CDH20: variants seen among roughly 807,000 people sequenced by gnomAD.
CDH20 encodes cadherin-20.
Under a neutral mutation model 74.2 loss-of-function variants are expected in CDH20, and 29 were observed. The ratio of observed to expected loss-of-function variants is 0.39; its 90% CI spans 0.29 to 0.53. The LOEUF (loss-of-function observed/expected upper bound fraction) is 0.53. Among genes scored for constraint, CDH20 ranks in the 20% least tolerant of loss-of-function variants. CDH20 has a pLI of 0.69. For missense variants in CDH20, 988 were observed against 1,048.3 expected (o/e 0.94, Z 0.79); for synonymous variants, 469 against 405.4 (o/e 1.16, Z -1.88).
intron 1 of CDH20, among the ~76,000 whole-genome samples, chr18:61,398,948 C>T (rs1211391591): frequency 2.0e-5 from 3 of 152,136 alleles, no homozygotes; most frequent in African/African-American, 7.2e-5. Context: ...TTTGATCCCA[C>T]GATGAAGGGA....
intron 1 of CDH20, among the ~76,000 whole-genome samples, chr18:61,467,324 C>T (rs1909996486): frequency 6.6e-6 from 1 of 152,148 alleles, no homozygotes; most frequent in South Asian, 2.1e-4. Context: ...GAGAATCTGA[C>T]AATTTCCACA....
At chr18:61,346,921 G>A (rs983199915) in intron 1 of CDH20, among the ~76,000 whole-genome samples, 1 of 151,982 alleles carries the variant, frequency 6.6e-6, no homozygotes. Flanking sequence ...GCTCCTCCCA[G>A]CATGTCCGTC....
intron 5 of CDH20, among the ~76,000 whole-genome samples, chr18:61,506,055 T>C (rs1183501159): frequency 1.3e-5 from 2 of 152,236 alleles, no homozygotes; most frequent in East Asian, 3.8e-4. Context: ...CCTACTATTT[T>C]ACATTGAATA....
chr18:61,398,988 C>A (rs1185860031), intron 1 of CDH20, among the ~76,000 whole-genome samples: 1 of 152,204 alleles, frequency 6.6e-6, no homozygotes, highest in African/African-American at 2.4e-5. Context: ...CCAAACTTAT[C>A]AGCTTTTGAG....
rs1209608956 is a variant in CDH20, at chr18:61,383,397, A to G, written c.-153+49570A>G. Among the ~76,000 whole-genome samples, 7 of 152,040 alleles carry G rather than the reference A, an allele frequency of 4.6e-5. No individual in the cohort carries two copies. In the East Asian group the frequency reaches 1.2e-3, roughly 25 times the overall value. On this transcript the variant is annotated intron_variant, in intron 1 of 11. Transcript: ENST00000262717. The stretch of plus-strand genomic sequence containing the variant: ...GGAGTACAAGACCAGCCTGGCCAAC[A>G]TGGTAAAAACCCGTCTTTACTAAAA...
chr18:61,553,865 T>C (rs1913522570), intron 11 of CDH20, among the ~76,000 whole-genome samples: 2 of 152,318 alleles, frequency 1.3e-5, no homozygotes, highest in East Asian at 3.9e-4. Context: ...GCCTTTGTGC[T>C]TTGTTAGTGG....
chr18:61,363,554 T>C (rs1013582628), intron 1 of CDH20, among the ~76,000 whole-genome samples: 13 of 152,186 alleles, frequency 8.5e-5, no homozygotes, highest in African/African-American at 2.7e-4. Flanking sequence ...AATTAACAAA[T>C]AAAAAGGTGT....
intron 10 of CDH20, among the ~76,000 whole-genome samples, chr18:61,545,986 G>A (rs1191789751): frequency 6.6e-6 from 1 of 152,002 alleles, no homozygotes; most frequent in Non-Finnish European, 1.5e-5. Context: ...GGAAAAGGAA[G>A]GACTTTTGTT....
intron 1 of CDH20, among the ~76,000 whole-genome samples, chr18:61,408,073 C>G (rs1162984093): frequency 6.6e-6 from 1 of 151,694 alleles, no homozygotes; most frequent in East Asian, 1.9e-4. Context: ...TTTATAAAAT[C>G]AAAATCATTT....
chr18:61,438,892 G>A (rs1908928833), intron 1 of CDH20, among the ~76,000 whole-genome samples: 1 of 152,094 alleles, frequency 6.6e-6, no homozygotes, highest in Non-Finnish European at 1.5e-5. Flanking sequence ...AAGAAAATGT[G>A]GTACATATGC....
intron 1 of CDH20, among the ~76,000 whole-genome samples, chr18:61,484,470 G>A (rs575079342): frequency 3.9e-5 from 6 of 152,214 alleles, no homozygotes; most frequent in East Asian, 3.9e-4. Context: ...TGGCGGATAC[G>A]GAAAGAAAGA....
In CDH20 at chr18:61,517,119, C is replaced by T. The variant is rs370853651; in HGVS notation, c.1017+9559C>T. Among the ~76,000 whole-genome samples, 25 of 152,204 alleles carry T rather than the reference C, an allele frequency of 1.6e-4. No homozygotes were observed. The East Asian group carries it at 3.5e-3, about 21-fold the overall frequency. ...AAAAAACTCAAAATGAATCATGCAC[C>T]TAAATGTAAAAACCTAAAGCTATAA... On this transcript the variant is annotated intron_variant, in intron 6 of 11. Transcript: ENST00000262717.
At chr18:61,424,846 G>A (rs549376226) in intron 1 of CDH20, among the ~76,000 whole-genome samples, 14 of 151,860 alleles carry the variant, frequency 9.2e-5, no homozygotes, top group Non-Finnish European at 1.9e-4. Context: ...TAAGAACCTA[G>A]CCCTGGGCCA....
At chr18:61,468,536 G>A (rs180983616) in intron 1 of CDH20, among the ~76,000 whole-genome samples, 52 of 152,162 alleles carry the variant, frequency 3.4e-4, no homozygotes, top group Non-Finnish European at 5.6e-4. Flanking sequence ...TTAATGCTGA[G>A]AGACTTTTAA....
At chr18:61,438,919 G>T (rs187587934) in intron 1 of CDH20, among the ~76,000 whole-genome samples, 155 of 152,230 alleles carry the variant, frequency 1.0e-3, no homozygotes, top group African/African-American at 3.5e-3. Context: ...ATACTACCCA[G>T]CCATAAATAT....
At chr18:61,344,529 G>A (rs1910054634) in intron 1 of CDH20, among the ~76,000 whole-genome samples, 1 of 152,082 alleles carries the variant, frequency 6.6e-6, no homozygotes, top group African/African-American at 2.4e-5. Flanking sequence ...GAGACATATG[G>A]CTATTTAAAT....
chr18:61,369,475 T>C (rs1219574460), intron 1 of CDH20, among the ~76,000 whole-genome samples: 3 of 152,168 alleles, frequency 2.0e-5, no homozygotes, highest in African/African-American at 4.8e-5. Context: ...CTGAGCATCA[T>C]AGTTTTAGGC....
rs1019273966 is a variant in CDH20, at chr18:61,499,492, A to G, written c.541+12A>G. The G allele has an allele frequency of 6.3e-7, 1 of 1,582,498 alleles. No homozygotes were observed. The highest frequency in any genetic ancestry group is 1.4e-5 in the African/African-American group (1 of 73,666). On this transcript the variant is annotated intron_variant, in intron 3 of 11. Coordinates refer to ENST00000262717, the MANE Select transcript of CDH20 (RefSeq NM_031891.4). ...AATGTCCCCTGTGGGTAAGGTGGTG[A>G]CTCGCTGATTTTCACAAATAGCACC...
chr18:61,478,185 C>T (rs563669291), intron 1 of CDH20, among the ~76,000 whole-genome samples: 96 of 148,288 alleles, frequency 6.5e-4, no homozygotes, highest in African/African-American at 2.3e-3. Flanking sequence ...GGCAACAGAG[C>T]GAGACTCTGT....
Sources: allele counts gnomAD v4.1 joint callset (sites outside exome capture counted in the v4.1 genomes callset), GRCh38; gene constraint gnomAD v4.1.1; transcripts MANE v1.5; gene names NCBI Gene and HGNC (gene_info 2026-07-23, HGNC 2026-07-21).